ZNF510: variants seen among roughly 807,000 people sequenced by gnomAD.
The protein encoded by ZNF510 is zinc finger protein 510.
ZNF510 carries 15 observed loss-of-function variants against 18.1 expected under a neutral mutation model. That is an observed-to-expected ratio of 0.83 (90% CI 0.55 to 1.28). ZNF510 has a LOEUF of 1.28. Among genes scored for constraint, ZNF510 ranks in the 50% most tolerant of loss-of-function variants. The pLI is 0.00. For synonymous variants in ZNF510, 261 were observed against 266.4 expected, an observed-to-expected ratio of 0.98 and a Z score of 0.20; for missense variants, 724 against 791.8, an observed-to-expected ratio of 0.91 and a Z score of 1.03.
intron 3 of ZNF510, among the ~76,000 whole-genome samples, chr9:96,766,628 G>A (rs528007225): frequency 1.3e-5 from 2 of 150,488 alleles, no homozygotes; most frequent in East Asian, 3.9e-4. Flanking sequence ...TAACTCTCTG[G>A]TTTCCTTTGC....
Position 96,759,359 on chromosome 9 carries a change from T to G in ZNF510, c.1471A>C (p.Ser491Arg). 1 of 1,614,150 alleles carries G rather than the reference T, an allele frequency of 6.2e-7. No homozygotes were observed. Among genetic ancestry groups the G allele is most frequent in the Non-Finnish European group, 8.5e-7 (1 of 1,179,998 alleles). ...IHTGEKPYEC[S>R]ECGKTFVQKS... ...TGAACAAAAGTTTTCCCACATTCAC[T>G]ACATTCATAGGGTTTTTCTCCTGTG... Residue 491 changes from serine to arginine, a missense_variant, in exon 6 of 6, where the codon AGT becomes CGT. Coordinates refer to ENST00000223428, the MANE Select transcript of ZNF510 (RefSeq NM_014930.3).
chr9:96,774,318 A>G (rs1849643522), intron 3 of ZNF510, among the ~76,000 whole-genome samples: 1 of 149,250 alleles, frequency 6.7e-6, no homozygotes, highest in Non-Finnish European at 1.5e-5. Context: ...TAATAATAAA[A>G]CTGAAAAACT....
intron 5 of ZNF510, among the ~76,000 whole-genome samples, chr9:96,762,526 A>G (rs1254562175): frequency 6.7e-6 from 1 of 150,056 alleles, no homozygotes; most frequent in African/African-American, 2.5e-5. Flanking sequence ...AAAAAAAAGA[A>G]AAGAAAAAGA....
At chr9:96,765,471 G>A (rs1849448110) in intron 3 of ZNF510, among the ~76,000 whole-genome samples, 1 of 151,760 alleles carries the variant, frequency 6.6e-6, no homozygotes, top group Non-Finnish European at 1.5e-5. Context: ...TCTATTTAGT[G>A]CCATATTTAC....
At position 96,759,547 on chromosome 9, in the gene ZNF510, C is replaced by G. The variant is rs772264431; in HGVS notation, c.1283G>C (p.Gly428Ala). 1 of 1,614,102 alleles carries G rather than the reference C, an allele frequency of 6.2e-7. No individual in the cohort carries two copies. The highest frequency in any genetic ancestry group is 1.1e-5 in the South Asian group (1 of 91,080). ...TTCACTACATTCAAATGGTTTCTCT[C>G]CTGTGTGAGTTCTCTGATGTTGAAT... is the stretch of plus-strand genomic sequence containing the variant. ...HLIQHQRTHTGEKPFECSECG... is the reference protein window; with the variant it reads ...HLIQHQRTHTAEKPFECSECG... The change falls in exon 6 of 6, where the codon GGA becomes GCA. Residue 428 changes from glycine to alanine, a missense_variant. Physicochemically the swap from Gly to Ala is moderately conservative, Grantham distance 60. Transcript: ENST00000223428.
In ZNF510 at chr9:96,759,802, T is replaced by C. The variant is rs143998174; in HGVS notation, c.1028A>G (p.Asn343Ser). 11 of 1,613,854 alleles carry C rather than the reference T, an allele frequency of 6.8e-6. No homozygotes were observed. In the African/African-American group the frequency reaches 1.5e-4, roughly 22 times the overall value. ...GAGGTGTGCCTTTCTGTTGAAATTA[T>C]TTCCACTTGGATTTAATTCATAATG... ...IKHYELNPSG[N>S]NFNRKAHLTD... Residue 343 changes from asparagine (N) to serine (S), a missense_variant, in exon 6 of 6, where the codon AAT becomes AGT. By Grantham distance (46) the Asn-to-Ser change is conservative (BLOSUM62 1). Transcript: ENST00000223428.
Position 96,759,656 on chromosome 9 carries a change from T to C in ZNF510, c.1174A>G (p.Arg392Gly), listed in dbSNP as rs1588125412. The change falls in exon 6 of 6, where the codon AGA becomes GGA. Residue 392 changes from arginine (R) to glycine (G), a missense_variant. Transcript: ENST00000223428. Reference sequence around the variant, plus strand: ...ATTGAGTGACTTCTTCGGCGAACTCTGTGAACCGACGTCTGGTAGGATTTC... The same window carrying C: ...ATTGAGTGACTTCTTCGGCGAACTCCGTGAACCGACGTCTGGTAGGATTTC... ...NKKSYQTSVH[R>G]VRRRSHSMMK... 1 of 1,613,662 alleles carries C rather than the reference T, an allele frequency of 6.2e-7. No homozygotes were observed. The highest frequency in any genetic ancestry group is 8.5e-7 in the Non-Finnish European group (1 of 1,179,928).
chr9:96,765,637 T>G (rs57697794), intron 3 of ZNF510, among the ~76,000 whole-genome samples: 1 of 152,094 alleles, frequency 6.6e-6, no homozygotes, highest in African/African-American at 2.4e-5. Flanking sequence ...CTCAGCCTCC[T>G]GAGTAGTTGG....
At position 96,759,245 on chromosome 9, in the gene ZNF510, A is replaced by G. The variant is rs1382028661; in HGVS notation, c.1585T>C (p.Ser529Pro). 6.2e-7 allele frequency: 1 copy of G among 1,613,234 alleles called. No homozygotes were observed. Among genetic ancestry groups the G allele is most frequent in the East Asian group, 2.2e-5 (1 of 44,812 alleles). The change falls in exon 6 of 6, where the codon TCA becomes CCA. Residue 529 changes from serine (S) to proline (P), a missense_variant. By Grantham distance (74) the Ser-to-Pro change is moderately conservative (BLOSUM62 -1). Coordinates refer to ENST00000223428, the MANE Select transcript of ZNF510 (RefSeq NM_014930.3). ...NQCGKTFGQK[S>P]NLRIHQRTHT... is the part of the protein sequence containing the mutation. ...GTTCTCTGATGTATTCTGAGGTTTGACTTCTGGCCAAATGTTTTTCCACAT... is the reference window on the plus strand; with the variant it reads ...GTTCTCTGATGTATTCTGAGGTTTGGCTTCTGGCCAAATGTTTTTCCACAT...
intron 3 of ZNF510, among the ~76,000 whole-genome samples, chr9:96,766,534 A>G (rs1450567190): frequency 6.6e-6 from 1 of 152,178 alleles, no homozygotes; most frequent in Non-Finnish European, 1.5e-5. Context: ...ATTTACAGAA[A>G]GTTTTCTGAC....
intron 2 of ZNF510, among the ~76,000 whole-genome samples, chr9:96,775,606 G>C (rs73536605): frequency 0.048 from 7,322 of 152,234 alleles, 587 homozygotes; most frequent in African/African-American, 0.17. Flanking sequence ...ACCTGTGACA[G>C]AGTGAACAGC....
chr9:96,763,322 C>T (rs1482716046), intron 4 of ZNF510, 109 bp from the exon 5 acceptor site: 6 of 1,329,986 alleles, frequency 4.5e-6, no homozygotes, highest in Admixed American at 1.9e-5. Flanking sequence ...TGCTCCTTTG[C>T]ATTTATCACT....
intron 1 of ZNF510, among the ~76,000 whole-genome samples, chr9:96,777,356 A>G (rs1324278973): frequency 1.3e-5 from 2 of 152,198 alleles, no homozygotes; most frequent in Non-Finnish European, 2.9e-5. Context: ...TTCGGGGAGT[A>G]AAGTGTTTAT....
At position 96,763,509 on chromosome 9, in the gene ZNF510, C is replaced by G. The variant is rs754894013; in HGVS notation, c.253G>C (p.Val85Leu). The G allele has an allele frequency of 1.9e-6, 3 of 1,605,776 alleles. No individual in the cohort carries two copies. The highest frequency in any genetic ancestry group is 1.7e-5 in the Admixed American group (1 of 57,882). The change falls in exon 4 of 6, where the codon GTG becomes CTG. Residue 85 changes from valine to leucine, a missense_variant. Transcript: ENST00000223428. ...MLENYSNLVS[V>L]GYCCFKPEVI... Reference sequence around the variant, plus strand: ...TAAGTTATGTTTACATGCTTACCCACTGAGACGAGGTTGCTGTAGTTCTCC... The same window carrying G: ...TAAGTTATGTTTACATGCTTACCCAGTGAGACGAGGTTGCTGTAGTTCTCC...
rs1849201915 is a variant in ZNF510, at chr9:96,756,715, G to C, written c.*2063C>G. On this transcript the variant is annotated 3_prime_UTR_variant, in exon 6 of 6. Coordinates refer to ENST00000223428, the MANE Select transcript of ZNF510 (RefSeq NM_014930.3). ...GTAAACTAACAGCTGCTTTTCAGAA[G>C]GGGTGGACCTGGTACCCTTGTCAGG... The C allele has an allele frequency of 6.6e-6, 1 of 152,202 alleles. No individual in the cohort carries two copies. Among genetic ancestry groups the C allele is most frequent in the African/African-American group, 2.4e-5 (1 of 41,452 alleles). The allele number at this position is 152,202 out of a possible 1,614,324, so 9.4% of individuals were successfully genotyped here.
intron 3 of ZNF510, among the ~76,000 whole-genome samples, chr9:96,767,126 G>A (rs770800457): frequency 5.3e-5 from 8 of 152,050 alleles, no homozygotes; most frequent in Non-Finnish European, 1.0e-4. Context: ...TCAGGAGTTC[G>A]AGACCAGCCT....
At chr9:96,775,886 T>G in intron 2 of ZNF510, 114 bp downstream of exon 2, 2 of 1,359,836 alleles carry the variant, frequency 1.5e-6, no homozygotes, top group Non-Finnish European at 2.0e-6. Flanking sequence ...AGAGACAATT[T>G]CCTCAGCCCT....
chr9:96,765,015 A>T (rs145820913), intron 3 of ZNF510, among the ~76,000 whole-genome samples: 8,995 of 152,086 alleles, frequency 0.059, 871 homozygotes, highest in African/African-American at 0.2. Context: ...CAGGAGGCTG[A>T]GGCAGGAGAA....
intron 4 of ZNF510, 37 bp downstream of exon 4, chr9:96,763,469 A>G: frequency 6.4e-7 from 1 of 1,568,266 alleles, no homozygotes; most frequent in Non-Finnish European, 8.6e-7. Context: ...TACCTTCTAT[A>G]TGGAGTTACA....
Sources: allele counts gnomAD v4.1 joint callset (sites outside exome capture counted in the v4.1 genomes callset), GRCh38; gene constraint gnomAD v4.1.1; transcripts MANE v1.5; gene names NCBI Gene and HGNC (gene_info 2026-07-23, HGNC 2026-07-21).